The following ATF7IP2 variants were observed in gnomAD, a reference collection of about 807,000 sequenced individuals.
ATF7IP2 encodes activating transcription factor 7-interacting protein 2.
A neutral mutation model predicts 64.2 loss-of-function variants in ATF7IP2; 42 were observed. The ratio of observed to expected loss-of-function variants is 0.65; its 90% CI spans 0.51 to 0.85. ATF7IP2 has a LOEUF of 0.85. Among genes scored for constraint, ATF7IP2 ranks in the 40% least tolerant of loss-of-function variants. ATF7IP2 has a pLI of 0.00. For synonymous variants in ATF7IP2, 308 were observed against 272.8 expected (o/e 1.13, Z -1.27); for missense variants, 933 against 784.2 (o/e 1.19, Z -2.27).
chr16:10,459,738 C>A (rs2049310480), intron 9 of ATF7IP2, among the ~76,000 whole-genome samples: 1 of 152,104 alleles, frequency 6.6e-6, no homozygotes, highest in Non-Finnish European at 1.5e-5. Context: ...TGATAAAATA[C>A]CCATTTATGA....
At chr16:10,391,851 G>C (rs1212243191) in intron 1 of ATF7IP2, among the ~76,000 whole-genome samples, 1 of 151,476 alleles carries the variant, frequency 6.6e-6, no homozygotes, top group Non-Finnish European at 1.5e-5. Flanking sequence ...AGCTGAGATC[G>C]TGCCACTGCC....
At chr16:10,423,869 A>G (rs2048033652) in intron 3 of ATF7IP2, among the ~76,000 whole-genome samples, 1 of 152,186 alleles carries the variant, frequency 6.6e-6, no homozygotes, top group South Asian at 2.1e-4. Flanking sequence ...GGATTGCTTA[A>G]GAGTACTCGG....
chr16:10,482,478 T>C lies in ATF7IP2; in HGVS notation c.*229T>C, dbSNP rs2050273152. On this transcript the variant is annotated 3_prime_UTR_variant, in exon 14 of 14. Coordinates refer to ENST00000562102, the MANE Select transcript of ATF7IP2 (RefSeq NM_001393719.1). ...TAAAACATACGCTATCATTGGCCCATGTTGCTGAGGTGCATTGTGAACAAT... is the reference window on the plus strand; with the variant it reads ...TAAAACATACGCTATCATTGGCCCACGTTGCTGAGGTGCATTGTGAACAAT... The C allele has an allele frequency of 7.8e-6, 3 of 382,242 alleles. No homozygotes were observed. The highest frequency in any genetic ancestry group is 2.1e-5 in the African/African-American group (1 of 47,672). The allele number at this position is 382,242 out of a possible 1,614,324, so 23.7% of individuals were successfully genotyped here. A position where few individuals can be genotyped will look rare whatever the true frequency, so the allele number is the denominator to read the frequency against.
intron 9 of ATF7IP2, among the ~76,000 whole-genome samples, chr16:10,457,938 C>G (rs989103415): frequency 6.6e-6 from 1 of 152,212 alleles, no homozygotes; most frequent in African/African-American, 2.4e-5. Flanking sequence ...TCTGGAATTC[C>G]TGGGCTCAGG....
chr16:10,435,916 A>G (rs1197324279), intron 6 of ATF7IP2, among the ~76,000 whole-genome samples: 1 of 152,156 alleles, frequency 6.6e-6, no homozygotes, highest in African/African-American at 2.4e-5. Flanking sequence ...AACACTGTAC[A>G]AAACAGTGTT....
chr16:10,454,734 T>A (rs1307135332), intron 8 of ATF7IP2, among the ~76,000 whole-genome samples: 1 of 152,226 alleles, frequency 6.6e-6, no homozygotes, highest in African/African-American at 2.4e-5. Context: ...GTGGTTAGAT[T>A]ATGTACTTCT....
At chr16:10,477,207 A>T (rs1033324000) in intron 12 of ATF7IP2, among the ~76,000 whole-genome samples, 2 of 152,242 alleles carry the variant, frequency 1.3e-5, no homozygotes, top group Non-Finnish European at 2.9e-5. Flanking sequence ...ACAAAGGTCT[A>T]ACACCCAGAA....
chr16:10,472,196 T>C lies in ATF7IP2; in HGVS notation c.1426+13T>C, dbSNP rs2049826832. Reference sequence around the variant, plus strand: ...TCAAATCCAACAGGTATCTTATAGCTGATTAGAATATGATCTATCAAGTTA... The same window carrying C: ...TCAAATCCAACAGGTATCTTATAGCCGATTAGAATATGATCTATCAAGTTA... On this transcript the variant is annotated intron_variant, in intron 10 of 13. Coordinates refer to ENST00000562102, the MANE Select transcript of ATF7IP2 (RefSeq NM_001393719.1). The C allele has an allele frequency of 3.5e-6, 5 of 1,437,674 alleles. No homozygotes were observed. Among genetic ancestry groups the C allele is most frequent in the East Asian group, 4.7e-5 (2 of 42,590 alleles). 89.1% of individuals were successfully genotyped at this position (1,437,674 alleles called of 1,614,324 possible). A position where few individuals can be genotyped will look rare whatever the true frequency, so the allele number is the denominator to read the frequency against.
chr16:10,453,845 G>A (rs747766829), intron 8 of ATF7IP2, among the ~76,000 whole-genome samples: 3 of 151,966 alleles, frequency 2.0e-5, no homozygotes, highest in Admixed American at 6.6e-5. Context: ...TTGAACTCCC[G>A]ACCTCATGTG....
chr16:10,458,469 A>G (rs1276037073), intron 9 of ATF7IP2, among the ~76,000 whole-genome samples: 1 of 152,250 alleles, frequency 6.6e-6, no homozygotes, highest in Non-Finnish European at 1.5e-5. Context: ...TGTGTCTTTT[A>G]TATGAACAAA....
intron 9 of ATF7IP2, among the ~76,000 whole-genome samples, chr16:10,471,405 G>T (rs2049794546): frequency 6.6e-6 from 1 of 152,110 alleles, no homozygotes; most frequent in Admixed American, 6.5e-5. Context: ...GCATATGCTT[G>T]TAATCCCAGC....
At position 10,457,364 on chromosome 16, in the gene ATF7IP2, T is replaced by C; in HGVS notation, c.1195-8T>C. 6.3e-7 allele frequency: 1 copy of C among 1,597,442 alleles called. No homozygotes were observed. The highest frequency in any genetic ancestry group is 8.5e-7 in the Non-Finnish European group (1 of 1,175,230). ...CCTTCAACTGCTTTTTTCTCACCTA[T>C]TTAATAGGTTGCAAATTCAGAGGCT... On this transcript the variant is annotated splice_polypyrimidine_tract_variant and splice_region_variant and intron_variant, in intron 8 of 13. Coordinates refer to ENST00000562102, the MANE Select transcript of ATF7IP2 (RefSeq NM_001393719.1).
At chr16:10,404,024 A>G (rs935362247) in intron 1 of ATF7IP2, among the ~76,000 whole-genome samples, 1 of 152,214 alleles carries the variant, frequency 6.6e-6, no homozygotes, top group South Asian at 2.1e-4. Context: ...TCAGGAAATA[A>G]TTAATGAAAA....
At position 10,442,592 on chromosome 16, in the gene ATF7IP2, A is replaced by G. The variant is rs111979996; in HGVS notation, c.1194+2130A>G. 5.1e-3 allele frequency among the ~76,000 whole-genome samples: 783 copies of G among 152,310 alleles called. 2 individuals carry two copies. The highest frequency in any genetic ancestry group is 6.7e-3 in the Non-Finnish European group (453 of 68,020). On this transcript the variant is annotated intron_variant, in intron 8 of 13. Coordinates refer to ENST00000562102, the MANE Select transcript of ATF7IP2 (RefSeq NM_001393719.1). Reference sequence around the variant, plus strand: ...TTTCTAACCATCCTGTAAAGGGGTCATTTACCCTAGAATTCCTGGTTAACT... The same window carrying G: ...TTTCTAACCATCCTGTAAAGGGGTCGTTTACCCTAGAATTCCTGGTTAACT...
chr16:10,454,918 G>A (rs2049117386), intron 8 of ATF7IP2, among the ~76,000 whole-genome samples: 1 of 152,168 alleles, frequency 6.6e-6, no homozygotes, highest in Non-Finnish European at 1.5e-5. Flanking sequence ...ATTTCATTTG[G>A]TCAGAGAACA....
At chr16:10,401,562 C>CT (rs1295607587) in intron 1 of ATF7IP2, among the ~76,000 whole-genome samples, 14 of 151,970 alleles carry the variant, frequency 9.2e-5, no homozygotes, top group East Asian at 5.8e-4. Flanking sequence ...TCTGTAGTTT[C>CT]TTTTTTTGCT....
chr16:10,475,311 A>G (rs891716011), intron 12 of ATF7IP2, among the ~76,000 whole-genome samples: 1 of 152,242 alleles, frequency 6.6e-6, no homozygotes, highest in Non-Finnish European at 1.5e-5. Context: ...TTAAAGATAT[A>G]TATGGTAATG....
intron 1 of ATF7IP2, chr16:10,387,141 T>A (rs2047218699): frequency 6.6e-6 from 1 of 152,232 alleles, no homozygotes; most frequent in African/African-American, 2.4e-5. Flanking sequence ...ATATTTATTG[T>A]AGCCAGTAAA....
rs569852927 is a variant in ATF7IP2 at position 10,440,666 on chromosome 16, A to G, written c.1194+204A>G. ...TGTATTTCTGTAGTAAAGGGAGTAG[A>G]AAGAGGATTGGTGATTGCCAAGATT... On this transcript the variant is annotated intron_variant, in intron 8 of 13. Transcript: ENST00000562102. 3.6e-3 allele frequency among the ~76,000 whole-genome samples: 552 copies of G among 152,364 alleles called. 2 individuals carry two copies. The highest frequency in any genetic ancestry group is 5.9e-3 in the Non-Finnish European group (404 of 68,032).
Sources: gnomAD v4.1 joint callset for allele counts (sites outside exome capture counted in the v4.1 genomes callset) on GRCh38, gnomAD v4.1.1 for gene constraint, MANE v1.5 for transcripts, NCBI Gene and HGNC (gene_info 2026-07-23, HGNC 2026-07-21) for gene names.